The following CLSTN2 variants were observed in gnomAD, a reference collection of about 807,000 sequenced individuals.
The protein encoded by CLSTN2 is calsyntenin 2, also known as calsyntenin-2.
A neutral mutation model predicts 101.2 loss-of-function variants in CLSTN2; 48 were observed. The ratio of observed to expected loss-of-function variants is 0.47; its 90% CI spans 0.38 to 0.60. The LOEUF is 0.60. Among genes scored for constraint, CLSTN2 ranks in the 20% least tolerant of loss-of-function variants. CLSTN2 has a pLI of 0.00. For missense variants in CLSTN2, 1,160 were observed against 1,238.2 expected (o/e 0.94, Z 0.95); for synonymous variants, 481 against 463.6 (o/e 1.04, Z -0.48).
chr3:140,359,146 A>G (rs1450292590), intron 2 of CLSTN2, among the ~76,000 whole-genome samples: 2 of 152,114 alleles, frequency 1.3e-5, no homozygotes, highest in Non-Finnish European at 1.5e-5. Context: ...TTGTAGAAAA[A>G]AAAAAAAAAG....
chr3:140,558,224 T>C (rs1935839258), intron 11 of CLSTN2, among the ~76,000 whole-genome samples: 1 of 152,246 alleles, frequency 6.6e-6, no homozygotes, highest in African/African-American at 2.4e-5. Context: ...AGATATATCG[T>C]ATAAGCAGAG....
intron 5 of CLSTN2, among the ~76,000 whole-genome samples, chr3:140,437,558 G>A (rs954283914): frequency 6.6e-6 from 1 of 152,192 alleles, no homozygotes. Context: ...TGCCAACAAA[G>A]CACTCCATGT....
chr3:140,562,109 C>T (rs1181081783), intron 12 of CLSTN2, 29 bp from the exon 13 acceptor site: 4 of 1,607,462 alleles, frequency 2.5e-6, no homozygotes, highest in East Asian at 2.2e-5. Context: ...TCCTTCATGC[C>T]TGCATTTCCC....
At chr3:140,206,433 A>G (rs1258245833) in intron 2 of CLSTN2, among the ~76,000 whole-genome samples, 1 of 152,218 alleles carries the variant, frequency 6.6e-6, no homozygotes, top group African/African-American at 2.4e-5. Context: ...GTGGCCCTAA[A>G]GGAACCTATC....
At chr3:140,329,350 C>T (rs116330811) in intron 2 of CLSTN2, among the ~76,000 whole-genome samples, 2,903 of 152,302 alleles carry the variant, frequency 0.019, 84 homozygotes, top group African/African-American at 0.064. Context: ...CACGCCACTG[C>T]GCTCCATCCT....
At chr3:140,125,891 G>A (rs957676373) in intron 1 of CLSTN2, among the ~76,000 whole-genome samples, 1 of 152,166 alleles carries the variant, frequency 6.6e-6, no homozygotes, top group Non-Finnish European at 1.5e-5. Context: ...GCTGAAAAAG[G>A]AAGAAATGAG....
intron 2 of CLSTN2, among the ~76,000 whole-genome samples, chr3:140,202,260 AC>A (rs1424343370): frequency 1.3e-5 from 2 of 152,144 alleles, no homozygotes; most frequent in African/African-American, 4.8e-5. Flanking sequence ...TGTCAGGGAG[AC>A]CACTTAGTAG....
chr3:140,071,084 T>A (rs1007723181), intron 1 of CLSTN2, among the ~76,000 whole-genome samples: 1 of 152,094 alleles, frequency 6.6e-6, no homozygotes, highest in African/African-American at 2.4e-5. Context: ...GGCACAGGAA[T>A]AGACAAATAG....
intron 4 of CLSTN2, among the ~76,000 whole-genome samples, chr3:140,406,053 G>A (rs1461916761): frequency 1.3e-5 from 2 of 152,144 alleles, no homozygotes; most frequent in Non-Finnish European, 2.9e-5. Context: ...AAAATCCAGT[G>A]GCAGCAAGGG....
At chr3:140,497,479 C>T (rs376339406) in intron 8 of CLSTN2, among the ~76,000 whole-genome samples, 1 of 152,172 alleles carries the variant, frequency 6.6e-6, no homozygotes, top group South Asian at 2.1e-4. Context: ...AGCCAGCAGG[C>T]TAGAATGGCT....
intron 1 of CLSTN2, among the ~76,000 whole-genome samples, chr3:140,128,209 A>G (rs2009467039): frequency 6.6e-6 from 1 of 152,198 alleles, no homozygotes; most frequent in East Asian, 1.9e-4. Context: ...AGCTCTCCCA[A>G]TTAAAATAGA....
At chr3:140,556,727 C>T (rs761234207) in intron 11 of CLSTN2, 66 bp downstream of exon 11, 1 of 1,512,544 alleles carries the variant, frequency 6.6e-7, no homozygotes, top group Non-Finnish European at 9.0e-7. Context: ...AACTGAGGTC[C>T]CTTGGGAATG....
Position 140,391,660 on chromosome 3 carries a change from C to T in CLSTN2, c.233-11969C>T, listed in dbSNP as rs2088115173. On this transcript the variant is annotated intron_variant, in intron 2 of 16. Transcript: ENST00000458420. ...CTAATATAATATTAAATTTATTTTA[C>T]AATATTAAGTTTTTTTAAGAATTAT... Among the ~76,000 whole-genome samples, 6 of 151,570 alleles carry T rather than the reference C, an allele frequency of 4.0e-5. No homozygotes were observed. The South Asian group carries it at 1.2e-3, about 32-fold the overall frequency.
At chr3:140,171,124 T>G (rs1032878508) in intron 1 of CLSTN2, among the ~76,000 whole-genome samples, 5 of 152,142 alleles carry the variant, frequency 3.3e-5, no homozygotes, top group African/African-American at 9.7e-5. Flanking sequence ...TTATTTACAT[T>G]GCATTTGTGT....
In CLSTN2 at chr3:140,427,203, ATGTGTATATATATATATATATGTGTG is replaced by A. The variant is rs1469922274; in HGVS notation, c.787+5931_787+5956del. 7.0e-5 allele frequency among the ~76,000 whole-genome samples: 8 copies of A among 114,282 alleles called. 1 individual carries two copies. Among genetic ancestry groups the A allele is most frequent in the African/African-American group, 3.7e-4 (8 of 21,604 alleles). 75.0% of individuals were successfully genotyped at this position (114,282 alleles called of 152,430 possible). On this transcript the variant is annotated intron_variant, in intron 5 of 16. Coordinates refer to ENST00000458420, the MANE Select transcript of CLSTN2 (RefSeq NM_022131.3). ...AAAAAAAATATATATATATATATAT[ATGTGTATATATATATATATATGTGTG>A]TATATATATATATATACATATATAT...
chr3:140,001,682 C>T lies in CLSTN2; in HGVS notation c.109+66199C>T, dbSNP rs867627314. 8.6e-5 allele frequency among the ~76,000 whole-genome samples: 13 copies of T among 151,646 alleles called. No homozygotes were observed. The South Asian group carries it at 1.3e-3, about 15-fold the overall frequency. On this transcript the variant is annotated intron_variant, in intron 1 of 16. Coordinates refer to ENST00000458420, the MANE Select transcript of CLSTN2 (RefSeq NM_022131.3). The stretch of plus-strand genomic sequence containing the variant: ...CAATTAAATTATTGACTGTAGTCAC[C>T]CTGCTATCAAATACTAAGTCTCATT...
At chr3:140,014,030 A>G (rs779866519) in intron 1 of CLSTN2, among the ~76,000 whole-genome samples, 1 of 152,038 alleles carries the variant, frequency 6.6e-6, no homozygotes, top group Non-Finnish European at 1.5e-5. Context: ...TCTGACTACT[A>G]TTGTATTCCT....
chr3:140,200,014 G>A (rs1012944055), intron 2 of CLSTN2, among the ~76,000 whole-genome samples: 1 of 152,194 alleles, frequency 6.6e-6, no homozygotes, highest in East Asian at 1.9e-4. Flanking sequence ...ATTAAAAGCA[G>A]CTGGTGGCTC....
At chr3:140,210,816 T>C (rs1366879748) in intron 2 of CLSTN2, among the ~76,000 whole-genome samples, 1 of 152,014 alleles carries the variant, frequency 6.6e-6, no homozygotes, top group Admixed American at 6.5e-5. Flanking sequence ...TAATTATAAC[T>C]CTTGAGGTGG....
Sources: allele counts gnomAD v4.1 joint callset (sites outside exome capture counted in the v4.1 genomes callset), GRCh38; gene constraint gnomAD v4.1.1; transcripts MANE v1.5; gene names NCBI Gene and HGNC (gene_info 2026-07-23, HGNC 2026-07-21).